TAOK3: variants seen among roughly 807,000 people sequenced by gnomAD.
TAOK3 encodes the protein serine/threonine-protein kinase TAO3.
TAOK3 carries 40 observed loss-of-function variants against 120.4 expected under a neutral mutation model. The observed-to-expected ratio is 0.33, with a 90% CI of 0.26 to 0.43. The LOEUF (loss-of-function observed/expected upper bound fraction) is 0.43. Ranked by LOEUF, TAOK3 falls within the 20% of genes least tolerant of loss-of-function variation. The pLI is 1.00. For missense variants in TAOK3, 821 were observed against 1,112.1 expected (o/e 0.74, Z 3.72); for synonymous variants, 355 against 387.5 (o/e 0.92, Z 0.99).
chr12:118,185,358 T>C (rs1227096654), intron 14 of TAOK3, among the ~76,000 whole-genome samples: 1 of 152,150 alleles, frequency 6.6e-6, no homozygotes, highest in African/African-American at 2.4e-5. Context: ...GTCCCTACTG[T>C]GTACAAAACA....
intron 13 of TAOK3, chr12:118,198,813 T>C (rs1041476599): frequency 2.2e-5 from 12 of 534,154 alleles, no homozygotes; most frequent in African/African-American, 2.1e-4. Flanking sequence ...TTCTTCAACT[T>C]ATTTATTGAT....
chr12:118,284,962 T>C (rs1265767268), intron 1 of TAOK3, among the ~76,000 whole-genome samples: 1 of 151,862 alleles, frequency 6.6e-6, no homozygotes, highest in Admixed American at 6.6e-5. Flanking sequence ...GAAATAAAAT[T>C]TAGATTGTTA....
intron 1 of TAOK3, among the ~76,000 whole-genome samples, chr12:118,369,105 T>C (rs1171037609): frequency 6.6e-6 from 1 of 151,852 alleles, no homozygotes; most frequent in African/African-American, 2.4e-5. Context: ...AGAGGATCGC[T>C]TGATCTTGGG....
chr12:118,232,742 C>T (rs2039837429), intron 9 of TAOK3, among the ~76,000 whole-genome samples: 1 of 151,896 alleles, frequency 6.6e-6, no homozygotes, highest in Non-Finnish European at 1.5e-5. Context: ...CCTGTCTCTA[C>T]TAAAATACAA....
chr12:118,317,089 C>T (rs2043494363), intron 1 of TAOK3, among the ~76,000 whole-genome samples: 1 of 151,812 alleles, frequency 6.6e-6, no homozygotes, highest in Non-Finnish European at 1.5e-5. Context: ...ATGGCGAAGC[C>T]CCGTCTCTAT....
rs1408694686 is a variant in TAOK3, at chr12:118,178,215, G to A, written c.1567-886C>T. Among the ~76,000 whole-genome samples the A allele has an allele frequency of 2.0e-5, 3 of 152,220 alleles. No homozygotes were observed. The South Asian group carries it at 6.2e-4, about 31-fold the overall frequency. ...TATCCTCTCTCCTCAGCTTCCCAAA[G>A]TGCTGAGACTACAGGCGTGAGCCAC... On this transcript the variant is annotated intron_variant, in intron 15 of 20. Transcript: ENST00000392533.
chr12:118,318,899 G>GA (rs1163650796), intron 1 of TAOK3, among the ~76,000 whole-genome samples: 2 of 152,284 alleles, frequency 1.3e-5, no homozygotes, highest in East Asian at 1.9e-4. Context: ...CCTTCAAAAA[G>GA]AAGGAAATCC....
rs17440364 is a variant in TAOK3, at chr12:118,186,613, A to T, written c.1329+3194T>A. Among the ~76,000 whole-genome samples the T allele has an allele frequency of 4.3e-3, 648 of 152,232 alleles. 9 individuals are homozygous for T. Among genetic ancestry groups the T allele is most frequent in the African/African-American group, 0.015 (626 of 41,530 alleles). On this transcript the variant is annotated intron_variant, in intron 14 of 20. Transcript: ENST00000392533. Reference sequence around the variant, plus strand: ...TTTTTCCAGATAACACATGAGCCCAATATGAACTTCCTTACAGAAGAAGGA... The same window carrying T: ...TTTTTCCAGATAACACATGAGCCCATTATGAACTTCCTTACAGAAGAAGGA...
At chr12:118,338,978 A>T (rs2044486156) in intron 1 of TAOK3, among the ~76,000 whole-genome samples, 1 of 151,950 alleles carries the variant, frequency 6.6e-6, no homozygotes, top group South Asian at 2.1e-4. Context: ...TGATAAGAAA[A>T]GCATTGCGTA....
At chr12:118,181,320 C>G (rs1359321645) in intron 15 of TAOK3, 51 bp downstream of exon 15, 15 of 1,479,962 alleles carry the variant, frequency 1.0e-5, no homozygotes, top group Admixed American at 3.4e-5. Context: ...GCCACTGACC[C>G]CAACAGGCTG....
At chr12:118,319,084 G>A (rs1365350065) in intron 1 of TAOK3, among the ~76,000 whole-genome samples, 1 of 152,210 alleles carries the variant, frequency 6.6e-6, no homozygotes, top group Non-Finnish European at 1.5e-5. Flanking sequence ...TGAGGAATTG[G>A]AGAAATATTG....
In TAOK3 at chr12:118,199,048, T is replaced by A. The variant is rs760652254; in HGVS notation, c.1194+3A>T. On this transcript the variant is annotated splice_donor_region_variant and intron_variant, in intron 13 of 20. Transcript: ENST00000392533. ...CCTCTGTGGAGGGTACCAAGAAACC[T>A]ACTTTCTTATGCACGACGGAGGAGC... is the stretch of plus-strand genomic sequence containing the variant. The A allele has an allele frequency of 3.1e-6, 5 of 1,614,056 alleles. No individual in the cohort carries two copies. The highest frequency in any genetic ancestry group is 4.2e-6 in the Non-Finnish European group (5 of 1,179,906).
chr12:118,258,646 A>G (rs2041094397), intron 2 of TAOK3, among the ~76,000 whole-genome samples: 1 of 151,694 alleles, frequency 6.6e-6, no homozygotes, highest in South Asian at 2.1e-4. Flanking sequence ...TGGGAGGCGG[A>G]GGTTGCAGTG....
chr12:118,222,261 G>C (rs953946936), intron 9 of TAOK3, among the ~76,000 whole-genome samples: 1 of 152,138 alleles, frequency 6.6e-6, no homozygotes, highest in African/African-American at 2.4e-5. Flanking sequence ...GTGGCCAGGC[G>C]TGGTGACTCA....
intron 1 of TAOK3, among the ~76,000 whole-genome samples, chr12:118,347,143 G>A (rs889033951): frequency 1.3e-5 from 2 of 152,028 alleles, no homozygotes; most frequent in Non-Finnish European, 2.9e-5. Flanking sequence ...AGCTGGGACC[G>A]CAGACACGTG....
intron 17 of TAOK3, among the ~76,000 whole-genome samples, chr12:118,170,198 T>C (rs984418714): frequency 6.6e-6 from 1 of 151,898 alleles, no homozygotes; most frequent in Non-Finnish European, 1.5e-5. Flanking sequence ...ATTGCCCCTA[T>C]AAGGAGGCTT....
chr12:118,290,328 A>C (rs2140515549), intron 1 of TAOK3, among the ~76,000 whole-genome samples: 1 of 152,278 alleles, frequency 6.6e-6, no homozygotes, highest in Admixed American at 6.5e-5. Flanking sequence ...GATATCAAGT[A>C]ACATCGGTTG....
intron 14 of TAOK3, among the ~76,000 whole-genome samples, chr12:118,188,582 T>G (rs955418344): frequency 2.6e-5 from 4 of 152,242 alleles, no homozygotes; most frequent in Admixed American, 2.6e-4. Context: ...ATGTACGTGC[T>G]TTAACTTCCA....
intron 3 of TAOK3, chr12:118,246,320 G>A (rs2040500177): frequency 2.5e-6 from 4 of 1,599,926 alleles, no homozygotes; most frequent in Non-Finnish European, 2.6e-6. Flanking sequence ...AGTCCCTGGA[G>A]GAGATCTATC....
Sources: gnomAD v4.1 joint callset for allele counts (sites outside exome capture counted in the v4.1 genomes callset) on GRCh38, gnomAD v4.1.1 for gene constraint, MANE v1.5 for transcripts, NCBI Gene and HGNC (gene_info 2026-07-23, HGNC 2026-07-21) for gene names.